Variants in GATM observed in about 807,000 individuals in gnomAD.
GATM encodes the protein glycine amidinotransferase.
Under a neutral mutation model 54.2 loss-of-function variants are expected in GATM, and 23 were observed. The observed-to-expected ratio is 0.42, with a 90% CI of 0.31 to 0.60. The LOEUF is 0.60. Among genes scored for constraint, GATM ranks in the 20% least tolerant of loss-of-function variants. The pLI, the probability that GATM is intolerant of heterozygous loss-of-function variation, is 0.14. For synonymous variants in GATM, 168 were observed against 183.1 expected (o/e 0.92, Z 0.67); for missense variants, 401 against 544.9 (o/e 0.74, Z 2.63).
intron 3 of GATM, among the ~76,000 whole-genome samples, chr15:45,384,251 A>C (rs568271914): frequency 6.6e-6 from 1 of 152,364 alleles, no homozygotes; most frequent in African/African-American, 2.4e-5. Flanking sequence ...TGATATTTCA[A>C]GATATCTCTG....
chr15:45,388,483 C>T (rs1417642037), intron 3 of GATM, among the ~76,000 whole-genome samples: 5 of 152,128 alleles, frequency 3.3e-5, no homozygotes, highest in African/African-American at 1.2e-4. Context: ...TTTTCTGTTC[C>T]AATATCCAAT....
intron 2 of GATM, among the ~76,000 whole-genome samples, chr15:45,369,934 T>A (rs943334625): frequency 6.6e-6 from 1 of 152,140 alleles, no homozygotes; most frequent in Non-Finnish European, 1.5e-5. Flanking sequence ...TAAAAGCACT[T>A]ATACTAAGCC....
chr15:45,398,791 T>C (rs1346267), intron 2 of GATM, among the ~76,000 whole-genome samples: 85,121 of 152,110 alleles, frequency 0.56, 27,310 homozygotes, highest in East Asian at 0.91. Flanking sequence ...ATGGAAATGC[T>C]GGAAAGATTA....
At chr15:45,367,069 G>A (rs1372030810) in intron 4 of GATM, among the ~76,000 whole-genome samples, 1 of 152,170 alleles carries the variant, frequency 6.6e-6, no homozygotes, top group East Asian at 1.9e-4. Flanking sequence ...CACCAGGTGA[G>A]ATGGCTCATG....
At chr15:45,364,673 T>C in intron 7 of GATM, 124 bp downstream of exon 7, 1 of 876,430 alleles carries the variant, frequency 1.1e-6, no homozygotes, top group South Asian at 1.4e-5. Flanking sequence ...CAAGCACCAC[T>C]TCACACCTTA....
rs1352051370 is a variant in GATM at position 45,368,300 on chromosome 15, TA to T, written c.485-41del. 1 of 1,588,234 alleles carries T rather than the reference TA, an allele frequency of 6.3e-7. No individual in the cohort carries two copies. Among genetic ancestry groups the T allele is most frequent in the Admixed American group, 1.7e-5 (1 of 59,518 alleles). On this transcript the variant is annotated intron_variant, in intron 3 of 8. Transcript: ENST00000396659. This position sits in a 1 kb window ranked among gnomAD's most constrained non-coding sequence, Gnocchi z 5.1. ...AATTCCATGACAACTTCAGTAGTGT[TA>T]ATTTCCAAGACAAAAAAGGTCTATA...
rs1889685932 is a variant in GATM, at chr15:45,378,511, C to T, written c.-58G>A. On this transcript the variant is annotated 5_prime_UTR_variant, in exon 1 of 9. Coordinates refer to ENST00000396659, the MANE Select transcript of GATM (RefSeq NM_001482.3). ...TTCCTGGCCTCTGGGCCGCGTCGGT[C>T]CAAGCCTTCCCGAGAGCGCGCCCGG... The T allele has an allele frequency of 7.7e-7, 1 of 1,298,702 alleles. No homozygotes were observed. Among genetic ancestry groups the T allele is most frequent in the East Asian group, 3.2e-5 (1 of 31,726 alleles). The allele number at this position is 1,298,702 out of a possible 1,614,324, so 80.4% of individuals were successfully genotyped here. A position where few individuals can be genotyped will look rare whatever the true frequency, so the allele number is the denominator to read the frequency against.
rs868522260 is a variant in GATM at position 45,376,761 on chromosome 15, G to A, written c.128C>T (p.Thr43Met). The change falls in exon 2 of 9, where the codon ACG (threonine) becomes ATG (methionine). Residue 43 changes from threonine to methionine, a missense_variant. By Grantham distance (81) the Thr-to-Met change is moderately conservative. Coordinates refer to ENST00000396659, the MANE Select transcript of GATM (RefSeq NM_001482.3). The part of the protein sequence containing the change: ...QRTFQSTQAA[T>M]ASSRNSCAAD... Reference sequence around the variant, plus strand: ...TGCACAGGAGTTCCGGGAGGAAGCCGTAGCTGCCTGGGTGCTCTGGAAAGT... The same window carrying A: ...TGCACAGGAGTTCCGGGAGGAAGCCATAGCTGCCTGGGTGCTCTGGAAAGT... 2.5e-6 allele frequency: 4 copies of A among 1,614,180 alleles called. No individual in the cohort carries two copies. Among genetic ancestry groups the A allele is most frequent in the South Asian group, 2.2e-5 (2 of 91,082 alleles).
At chr15:45,375,108 T>C (rs1046307141) in intron 2 of GATM, among the ~76,000 whole-genome samples, 6 of 152,166 alleles carry the variant, frequency 3.9e-5, no homozygotes, top group African/African-American at 1.4e-4. Flanking sequence ...TCTCACTCTG[T>C]TGCTCAGGCT....
intron 2 of GATM, among the ~76,000 whole-genome samples, chr15:45,375,576 T>C (rs773577906): frequency 2.1e-4 from 32 of 152,122 alleles, no homozygotes; most frequent in Non-Finnish European, 3.8e-4. Flanking sequence ...CTGCCTTATA[T>C]GGTTGTCTTA....
chr15:45,379,414 T>A (rs1337402803), upstream of GATM: 1 of 152,192 alleles, frequency 6.6e-6, no homozygotes, highest in African/African-American at 2.4e-5. Context: ...TCATTTTTGA[T>A]GAGCTGTCTT....
intron 3 of GATM, among the ~76,000 whole-genome samples, chr15:45,385,875 C>T (rs1889798465): frequency 6.6e-6 from 1 of 152,178 alleles, no homozygotes; most frequent in Non-Finnish European, 1.5e-5. Context: ...CTCCTAGTGA[C>T]TCCTCTAGAA....
Position 45,387,887 on chromosome 15 carries a change from G to GT in GATM, c.-319+9034dup, listed in dbSNP as rs199539219. ...TCTCAGTGCAATTCTTTTTTCAAGA[G>GT]TTAAGTGAACTTTTGGAAAACAGAC... On this transcript the variant is annotated intron_variant, in intron 3 of 4. Transcript: ENST00000561148. 6.6e-4 allele frequency among the ~76,000 whole-genome samples: 100 copies of GT among 152,274 alleles called. 4 individuals carry two copies. In the East Asian group the frequency reaches 0.019, roughly 29 times the overall value.
chr15:45,375,243 G>A (rs935832660), intron 2 of GATM, among the ~76,000 whole-genome samples: 3 of 152,106 alleles, frequency 2.0e-5, no homozygotes, highest in Admixed American at 2.0e-4. Context: ...GCTAATTTTT[G>A]TATTTTTAGT....
chr15:45,363,554 AC>A (rs1426005561), intron 8 of GATM: 5 of 387,052 alleles, frequency 1.3e-5, no homozygotes, highest in Admixed American at 1.3e-4. Flanking sequence ...CTTTTAAAGG[AC>A]CCACAATGAT....
intron 1 of GATM, chr15:45,378,169 C>A (rs896169624): frequency 4.4e-5 from 21 of 481,382 alleles, no homozygotes; most frequent in Non-Finnish European, 7.4e-5. Context: ...AACGCAAGTT[C>A]CCCCTGACTG....
intron 1 of GATM, among the ~76,000 whole-genome samples, chr15:45,400,015 A>G (rs1889979769): frequency 6.6e-6 from 1 of 152,180 alleles, no homozygotes; most frequent in Non-Finnish European, 1.5e-5. Flanking sequence ...TGAGGCCTGG[A>G]GTTCGAGACC....
At chr15:45,393,186 A>T (rs546141462) in intron 3 of GATM, among the ~76,000 whole-genome samples, 1 of 152,346 alleles carries the variant, frequency 6.6e-6, no homozygotes, top group South Asian at 2.1e-4. Context: ...CAAATGATTA[A>T]AATCAGGTGT....
chr15:45,366,522 G>T lies in GATM; in HGVS notation c.676-14C>A, dbSNP rs748127418. 6 of 1,613,592 alleles carry T rather than the reference G, an allele frequency of 3.7e-6. No individual in the cohort carries two copies. The highest frequency in any genetic ancestry group is 1.7e-4 in the Middle Eastern group (1 of 5,924). On this transcript the variant is annotated splice_polypyrimidine_tract_variant and intron_variant, in intron 4 of 8. Coordinates refer to ENST00000396659, the MANE Select transcript of GATM (RefSeq NM_001482.3). The stretch of plus-strand genomic sequence containing the variant: ...GATGGGATAATCCTAATTGGAACAA[G>T]AATGAACACACACAATGCACTGGAT...
Sources: gnomAD v4.1 joint callset for allele counts (sites outside exome capture counted in the v4.1 genomes callset) on GRCh38, gnomAD v4.1.1 for gene constraint, Gnocchi (gnomAD v3.1) non-coding constraint, MANE v1.5 for transcripts, NCBI Gene and HGNC (gene_info 2026-07-23, HGNC 2026-07-21) for gene names.